The following FNDC3A variants were observed in gnomAD, a reference collection of about 807,000 sequenced individuals.
FNDC3A encodes the protein fibronectin type-III domain-containing protein 3A.
In FNDC3A, 32 loss-of-function variants were observed where a neutral mutation model predicts 148.9. That is an observed-to-expected ratio of 0.21 (90% CI 0.16 to 0.29). The LOEUF (loss-of-function observed/expected upper bound fraction) is 0.29. FNDC3A is among the 10% of genes least tolerant of loss of function. FNDC3A has a pLI of 1.00. For synonymous variants in FNDC3A, 472 were observed against 473.6 expected (o/e 1.00, Z 0.04); for missense variants, 1,191 against 1,452.8 (o/e 0.82, Z 2.93).
At chr13:49,097,539 G>A (rs1004097134) in intron 3 of FNDC3A, among the ~76,000 whole-genome samples, 2 of 151,946 alleles carry the variant, frequency 1.3e-5, no homozygotes, top group Non-Finnish European at 2.9e-5. Context: ...TCTCTGTTTG[G>A]TTTTCCAGTT....
intron 2 of FNDC3A, among the ~76,000 whole-genome samples, chr13:49,030,712 C>T (rs531289896): frequency 2.6e-5 from 4 of 151,876 alleles, no homozygotes; most frequent in Admixed American, 2.0e-4. Flanking sequence ...TTTCTATATA[C>T]GGGCAATGAA....
At chr13:49,102,365 A>C (rs978257800) in intron 3 of FNDC3A, among the ~76,000 whole-genome samples, 1 of 152,118 alleles carries the variant, frequency 6.6e-6, no homozygotes, top group Non-Finnish European at 1.5e-5. Context: ...TTTCTTCACA[A>C]TAGTTTCAGT....
intron 14 of FNDC3A, among the ~76,000 whole-genome samples, chr13:49,179,960 C>G (rs910693227): frequency 2.6e-5 from 4 of 152,162 alleles, no homozygotes; most frequent in Non-Finnish European, 4.4e-5. Flanking sequence ...AGCACCCTCC[C>G]AATGGACACA....
At chr13:49,197,030 TGAATA>T (rs776437760) in intron 20 of FNDC3A, 40 bp downstream of exon 20, 1 of 1,169,294 alleles carries the variant, frequency 8.6e-7, no homozygotes, top group South Asian at 1.3e-5. Context: ...CTTTCTTAAG[TGAATA>T]GAATAGTTTA....
chr13:49,191,151 T>C, intron 18 of FNDC3A, 31 bp downstream of exon 18: 1 of 1,605,334 alleles, frequency 6.2e-7, no homozygotes, highest in Non-Finnish European at 8.5e-7. Context: ...AAATTATAAT[T>C]AAGCTAGAAC....
rs543101501 is a variant in FNDC3A at position 49,207,095 on chromosome 13, C to T, written c.3297C>T (p.Pro1099=). The T allele has an allele frequency of 8.1e-6, 13 of 1,613,378 alleles. No homozygotes were observed. The highest frequency in any genetic ancestry group is 4.0e-5 in the African/African-American group (3 of 75,048). ...TTTATTAACAGATTTACAAGGGTCC[C>T]GACTCTTCCTTCCGGTATTCCAGCC... is the stretch of plus-strand genomic sequence containing the variant. ...DSEFKQIYKG[P]DSSFRYSSLQ... The change falls in exon 26 of 26, where the codon CCC becomes CCT. Residue 1099 remains proline (P), a synonymous_variant. Transcript: ENST00000492622.
intron 4 of FNDC3A, among the ~76,000 whole-genome samples, chr13:49,121,461 C>T (rs1881337601): frequency 6.6e-6 from 1 of 152,184 alleles, no homozygotes; most frequent in Admixed American, 6.5e-5. Flanking sequence ...CAAACAAATT[C>T]AGAAGCTAGT....
At chr13:49,127,843 C>G (rs1881792983) in intron 4 of FNDC3A, among the ~76,000 whole-genome samples, 1 of 152,094 alleles carries the variant, frequency 6.6e-6, no homozygotes, top group South Asian at 2.1e-4. Flanking sequence ...TTCTCACTTC[C>G]CACATGGAAT....
At chr13:49,100,153 C>A (rs1879774493) in intron 3 of FNDC3A, among the ~76,000 whole-genome samples, 1 of 151,992 alleles carries the variant, frequency 6.6e-6, no homozygotes, top group Admixed American at 6.6e-5. Flanking sequence ...ATGAAGAATA[C>A]CTTTAAATGC....
At chr13:49,156,239 T>C (rs1380264176) in intron 8 of FNDC3A, among the ~76,000 whole-genome samples, 1 of 148,844 alleles carries the variant, frequency 6.7e-6, no homozygotes, top group Non-Finnish European at 1.5e-5. Flanking sequence ...GATAGTTAGC[T>C]CTTCTTGTTG....
chr13:49,108,714 G>A (rs539191050), intron 3 of FNDC3A, among the ~76,000 whole-genome samples: 7 of 152,268 alleles, frequency 4.6e-5, no homozygotes, highest in African/African-American at 1.7e-4. Flanking sequence ...TTGTTTAGGG[G>A]CTGAAGATCA....
chr13:49,189,384 T>C (rs1371859783), intron 17 of FNDC3A, among the ~76,000 whole-genome samples: 1 of 152,132 alleles, frequency 6.6e-6, no homozygotes, highest in South Asian at 2.1e-4. Flanking sequence ...GGTTTTACCA[T>C]GTTGGCCAGG....
At chr13:48,993,087 G>A (rs902118616) in intron 1 of FNDC3A, among the ~76,000 whole-genome samples, 2 of 152,010 alleles carry the variant, frequency 1.3e-5, no homozygotes, top group African/African-American at 2.4e-5. Context: ...ATTCCTCTAC[G>A]AATACTTTCT....
intron 2 of FNDC3A, among the ~76,000 whole-genome samples, chr13:49,057,480 A>G (rs1352220186): frequency 6.6e-6 from 1 of 151,704 alleles, no homozygotes; most frequent in Non-Finnish European, 1.5e-5. Flanking sequence ...TGCTGCTCTA[A>G]TTTTTCATTT....
At chr13:49,169,917 T>G (rs1157350858) in intron 10 of FNDC3A, among the ~76,000 whole-genome samples, 2 of 152,220 alleles carry the variant, frequency 1.3e-5, no homozygotes, top group African/African-American at 4.8e-5. Flanking sequence ...TACAGTAGTA[T>G]TTTATTTGTG....
At chr13:49,131,491 AT>A in intron 5 of FNDC3A, 117 bp downstream of exon 5, 1 of 787,262 alleles carries the variant, frequency 1.3e-6, no homozygotes, top group Non-Finnish European at 2.2e-6. Flanking sequence ...TGTAACAGGC[AT>A]TTTTCTTTTA....
At chr13:49,202,935 C>T (rs1886488162) in intron 24 of FNDC3A, among the ~76,000 whole-genome samples, 1 of 152,196 alleles carries the variant, frequency 6.6e-6, no homozygotes, top group East Asian at 1.9e-4. Context: ...GATCGCACCA[C>T]TGTTGTCCAG....
chr13:49,034,129 T>C (rs1874327623), intron 2 of FNDC3A, among the ~76,000 whole-genome samples: 2 of 152,026 alleles, frequency 1.3e-5, no homozygotes, highest in Admixed American at 1.3e-4. Context: ...TTCTAGTATA[T>C]TTAGAGTTTT....
At chr13:49,175,311 T>A in intron 12 of FNDC3A, 56 bp from the exon 13 acceptor site, 1 of 1,280,526 alleles carries the variant, frequency 7.8e-7, no homozygotes. Context: ...CACAAACTTG[T>A]TCTTTCACTG....
Sources: allele counts gnomAD v4.1 joint callset (sites outside exome capture counted in the v4.1 genomes callset), GRCh38; gene constraint gnomAD v4.1.1; transcripts MANE v1.5; gene names NCBI Gene and HGNC (gene_info 2026-07-23, HGNC 2026-07-21).